Variants in PSEN2 observed in about 807,000 individuals in gnomAD.
PSEN2 encodes presenilin 2.
In PSEN2, 32 loss-of-function variants were observed where a neutral mutation model predicts 49.1. That is an observed-to-expected ratio of 0.65 (90% CI 0.49 to 0.88). The LOEUF is 0.88. Among genes scored for constraint, PSEN2 ranks in the 40% least tolerant of loss-of-function variants. The pLI, the probability that PSEN2 is intolerant of heterozygous loss-of-function variation, is 0.00. For missense variants in PSEN2, 522 were observed against 586.9 expected (o/e 0.89, Z 1.14); for synonymous variants, 255 against 244.0 (o/e 1.05, Z -0.42).
At chr1:226,882,281 A>G (rs1661051601) in intron 4 of PSEN2, among the ~76,000 whole-genome samples, 1 of 152,160 alleles carries the variant, frequency 6.6e-6, no homozygotes, top group South Asian at 2.1e-4. Context: ...GACGCTGTCC[A>G]CTCTGCCACC....
chr1:226,881,303 C>T (rs554761090), intron 3 of PSEN2, among the ~76,000 whole-genome samples: 19 of 152,160 alleles, frequency 1.2e-4, no homozygotes, highest in Admixed American at 2.6e-4. Context: ...CACTGCCCGC[C>T]CCACAGTGTG....
rs912747670 is a variant in PSEN2, at chr1:226,883,888, G to A, written c.325G>A (p.Val109Met). Residue 109 changes from valine to methionine, a missense_variant, in exon 5 of 13, where the codon GTG (valine) becomes ATG (methionine). Transcript: ENST00000366783. ...CGTGGTGGTAGCCACCATCAAGTCT[G>A]TGCGCTTCTACACAGAGAAGAATGG... ...MIVVVATIKS[V>M]RFYTEKNGQL... 4 of 1,613,200 alleles carry A rather than the reference G, an allele frequency of 2.5e-6. No homozygotes were observed. Among genetic ancestry groups the A allele is most frequent in the Non-Finnish European group, 3.4e-6 (4 of 1,179,898 alleles).
intron 11 of PSEN2, among the ~76,000 whole-genome samples, chr1:226,892,529 C>G (rs568379401): frequency 1.1e-4 from 16 of 152,246 alleles, no homozygotes; most frequent in African/African-American, 2.2e-4. Flanking sequence ...GCTGCACTGT[C>G]GTAACAGCCC....
At chr1:226,874,620 G>A (rs977167850) in intron 2 of PSEN2, among the ~76,000 whole-genome samples, 34 of 152,196 alleles carry the variant, frequency 2.2e-4, no homozygotes, top group African/African-American at 8.0e-4. Context: ...ATAGGCTACC[G>A]TGTCCTTTCT....
chr1:226,885,671 T>C lies in PSEN2; in HGVS notation c.490T>C (p.Cys164Arg), dbSNP rs1407588878. Reference protein sequence around the residue: ...IFLVVLYKYRCYKFIHGWLIM... With the variant: ...IFLVVLYKYRRYKFIHGWLIM... ...CTTGGTGGTGCTCTACAAGTACCGC[T>C]GCTACAAGGTGAGGCCCTGGCCCTG... Residue 164 changes from cysteine (C) to arginine (R), a missense_variant, in exon 6 of 13, where the codon TGC (cysteine) becomes CGC (arginine). Coordinates refer to ENST00000366783, the MANE Select transcript of PSEN2 (RefSeq NM_000447.3). 1 of 1,607,634 alleles carries C rather than the reference T, an allele frequency of 6.2e-7. No homozygotes were observed. Among genetic ancestry groups the C allele is most frequent in the African/African-American group, 1.3e-5 (1 of 74,882 alleles).
chr1:226,872,215 C>T (rs1314770768), intron 2 of PSEN2, among the ~76,000 whole-genome samples: 3 of 152,202 alleles, frequency 2.0e-5, no homozygotes, highest in Non-Finnish European at 4.4e-5. Flanking sequence ...ACCGTCCCCC[C>T]AAGGGGGGTT....
chr1:226,880,517 C>G, intron 3 of PSEN2: 1 of 1,477,808 alleles, frequency 6.8e-7, no homozygotes, highest in Non-Finnish European at 9.0e-7. Flanking sequence ...CACTCAGCCT[C>G]TGGACAGCGA....
chr1:226,902,422 G>A (rs1223856135), intron 12 of PSEN2, among the ~76,000 whole-genome samples: 3 of 152,108 alleles, frequency 2.0e-5, no homozygotes, highest in Non-Finnish European at 2.9e-5. Context: ...GCCCTGGGGT[G>A]TTCTGGGAAT....
chr1:226,876,104 G>T (rs1660611388), intron 3 of PSEN2, among the ~76,000 whole-genome samples: 3 of 152,230 alleles, frequency 2.0e-5, no homozygotes, highest in Middle Eastern at 3.4e-3. Context: ...ACCCCCACCT[G>T]CCCGTGAGTC....
chr1:226,881,822 C>T (rs1416320066), intron 3 of PSEN2, 66 bp from the exon 4 acceptor site: 4 of 1,602,336 alleles, frequency 2.5e-6, no homozygotes, highest in Non-Finnish European at 3.4e-6. Flanking sequence ...CCAGCCACCC[C>T]CTGAGTCCTC....
intron 11 of PSEN2, among the ~76,000 whole-genome samples, chr1:226,893,728 C>T (rs757041945): frequency 2.0e-5 from 3 of 152,222 alleles, no homozygotes; most frequent in Non-Finnish European, 2.9e-5. Flanking sequence ...TCTTTACTCT[C>T]TAAGTGCCCA....
At chr1:226,877,395 G>A (rs1427238403) in intron 3 of PSEN2, among the ~76,000 whole-genome samples, 1 of 152,214 alleles carries the variant, frequency 6.6e-6, no homozygotes, top group African/African-American at 2.4e-5. Flanking sequence ...AAGAATAGTA[G>A]CACCTTGCTC....
At chr1:226,873,519 G>A (rs1295236061) in intron 2 of PSEN2, among the ~76,000 whole-genome samples, 3 of 151,992 alleles carry the variant, frequency 2.0e-5, no homozygotes, top group South Asian at 2.1e-4. Flanking sequence ...GGGTTCTAGC[G>A]ACTCTCCTGC....
chr1:226,886,372 T>C (rs1005698448), intron 6 of PSEN2, among the ~76,000 whole-genome samples: 1 of 152,260 alleles, frequency 6.6e-6, no homozygotes, highest in Non-Finnish European at 1.5e-5. Context: ...GAGGCCATGC[T>C]GAGGTCTTGC....
rs781111649 is a variant in PSEN2, at chr1:226,882,058, A to G, written c.141+10A>G. 4 of 1,613,682 alleles carry G rather than the reference A, an allele frequency of 2.5e-6. No individual in the cohort carries two copies. Among genetic ancestry groups the G allele is most frequent in the Non-Finnish European group, 3.4e-6 (4 of 1,179,956 alleles). Reference sequence around the variant, plus strand: ...GAACACTGCCCAGTGGGTAGGTCCCACCAGCAGCTGGGGGCCTTCAAACAG... The same window carrying G: ...GAACACTGCCCAGTGGGTAGGTCCCGCCAGCAGCTGGGGGCCTTCAAACAG... On this transcript the variant is annotated intron_variant, in intron 4 of 12. Coordinates refer to ENST00000366783, the MANE Select transcript of PSEN2 (RefSeq NM_000447.3).
intron 8 of PSEN2, among the ~76,000 whole-genome samples, chr1:226,889,372 G>A (rs1661588611): frequency 6.6e-6 from 1 of 152,154 alleles, no homozygotes; most frequent in Non-Finnish European, 1.5e-5. Flanking sequence ...CGCCTCCCGG[G>A]TTCAAGTGAT....
chr1:226,878,087 CT>C (rs1409553453), intron 3 of PSEN2, among the ~76,000 whole-genome samples: 6 of 148,898 alleles, frequency 4.0e-5, no homozygotes, highest in Non-Finnish European at 4.5e-5. Flanking sequence ...CTTTTTCTTT[CT>C]TTTTTTTTTG....
intron 11 of PSEN2, among the ~76,000 whole-genome samples, chr1:226,893,140 G>A (rs114543513): frequency 5.9e-5 from 9 of 152,162 alleles, no homozygotes; most frequent in Non-Finnish European, 1.2e-4. Flanking sequence ...CTTGTTGCCC[G>A]GGCTGGTTTC....
At chr1:226,890,559 GCA>G (rs1428339629) in intron 9 of PSEN2, 2 of 283,810 alleles carry the variant, frequency 7.0e-6, no homozygotes, top group African/African-American at 4.4e-5. Flanking sequence ...TGAAGGGAAG[GCA>G]CACGGGATGG....
Sources: allele counts gnomAD v4.1 joint callset (sites outside exome capture counted in the v4.1 genomes callset), GRCh38; gene constraint gnomAD v4.1.1; transcripts MANE v1.5; gene names NCBI Gene and HGNC (gene_info 2026-07-23, HGNC 2026-07-21).